The following KDM5A variants were observed in gnomAD, a reference collection of about 807,000 sequenced individuals.
The protein encoded by KDM5A is lysine demethylase 5A, also known as lysine-specific demethylase 5A.
KDM5A carries 42 observed loss-of-function variants against 193.5 expected under a neutral mutation model. The observed-to-expected ratio is 0.22, with a 90% CI of 0.17 to 0.28. The LOEUF is 0.28. KDM5A is among the 10% of genes least tolerant of loss of function. The probability of loss-of-function intolerance (pLI) is 1.00; values close to 1 mark genes in which losing one functional copy is unlikely to be tolerated. For synonymous variants in KDM5A, 796 were observed against 718.1 expected (o/e 1.11, Z -1.73); for missense variants, 1,692 against 2,055.1 (o/e 0.82, Z 3.42).
intron 3 of KDM5A, among the ~76,000 whole-genome samples, chr12:371,689 GT>G (rs1205882958): frequency 6.6e-6 from 1 of 152,182 alleles, no homozygotes; most frequent in East Asian, 1.9e-4. Context: ...CCATGCCTAT[GT>G]CCTGAATGGT....
chr12:360,093 TGA>T (rs1944276928), intron 5 of KDM5A, among the ~76,000 whole-genome samples: 1 of 151,830 alleles, frequency 6.6e-6, no homozygotes. Flanking sequence ...GCCAAAATGG[TGA>T]AACCCTGTCT....
At chr12:292,059 C>T (rs1943301721) in intron 27 of KDM5A, among the ~76,000 whole-genome samples, 1 of 152,090 alleles carries the variant, frequency 6.6e-6, no homozygotes, top group South Asian at 2.1e-4. Context: ...TCCGCCACCA[C>T]ACCCTGCTCA....
rs1943148389 is a variant in KDM5A, at chr12:280,889, T to C, written c.*4567A>G. On this transcript the variant is annotated 3_prime_UTR_variant, in exon 28 of 28. Transcript: ENST00000399788. ...AGGCTAATCACACCACTGATCAAAT[T>C]ATTTTGGCTCAGTTCTTTATTTTAT... The C allele has an allele frequency of 4.3e-6, 1 of 232,902 alleles. No individual in the cohort carries two copies. The highest frequency in any genetic ancestry group is 8.5e-6 in the Non-Finnish European group (1 of 117,920). The allele number at this position is 232,902 out of a possible 1,614,324, so 14.4% of individuals were successfully genotyped here. A position where few individuals can be genotyped will look rare whatever the true frequency, so the allele number is the denominator to read the frequency against.
At chr12:358,996 T>TAA (rs35658441) in intron 5 of KDM5A, among the ~76,000 whole-genome samples, 46 of 149,396 alleles carry the variant, frequency 3.1e-4, no homozygotes, top group South Asian at 6.3e-4. Flanking sequence ...TAATAAAAAA[T>TAA]AAAAAAAAAC....
chr12:385,185 A>T (rs1944624988), intron 2 of KDM5A, among the ~76,000 whole-genome samples: 2 of 151,430 alleles, frequency 1.3e-5, no homozygotes, highest in African/African-American at 4.8e-5. Flanking sequence ...TCTCTGGAAA[A>T]AAAAAAAAAA....
intron 19 of KDM5A, among the ~76,000 whole-genome samples, chr12:315,440 G>A (rs1943640637): frequency 6.6e-6 from 1 of 152,112 alleles, no homozygotes; most frequent in Non-Finnish European, 1.5e-5. Context: ...TGGGCATGGT[G>A]GCATGCACCT....
chr12:283,817 T>C lies in KDM5A; in HGVS notation c.*1639A>G. The C allele has an allele frequency of 8.6e-6, 2 of 233,212 alleles. No individual in the cohort carries two copies. Among genetic ancestry groups the C allele is most frequent in the Non-Finnish European group, 8.5e-6 (1 of 117,876 alleles). The allele number at this position is 233,212 out of a possible 1,614,324, so 14.4% of individuals were successfully genotyped here. A position where few individuals can be genotyped will look rare whatever the true frequency, so the allele number is the denominator to read the frequency against. On this transcript the variant is annotated 3_prime_UTR_variant, in exon 28 of 28. Coordinates refer to ENST00000399788, the MANE Select transcript of KDM5A (RefSeq NM_001042603.3). Reference sequence around the variant, plus strand: ...AAAACACTATTTTTAGTCATTTTTTTTTTTGTCCTTTAAAAAAAAATTAGT... The same window carrying C: ...AAAACACTATTTTTAGTCATTTTTTCTTTTGTCCTTTAAAAAAAAATTAGT...
intron 5 of KDM5A, among the ~76,000 whole-genome samples, chr12:361,651 C>A (rs1292108908): frequency 6.6e-6 from 1 of 152,166 alleles, no homozygotes; most frequent in South Asian, 2.1e-4. Context: ...ATCACCATGT[C>A]AAAGGGACTA....
At chr12:336,639 G>A (rs543814856) in intron 10 of KDM5A, among the ~76,000 whole-genome samples, 2 of 152,096 alleles carry the variant, frequency 1.3e-5, no homozygotes, top group African/African-American at 2.4e-5. Flanking sequence ...TCAGGAGTTC[G>A]AAACCAGACT....
intron 3 of KDM5A, among the ~76,000 whole-genome samples, chr12:381,319 A>G (rs999617072): frequency 7.3e-5 from 11 of 151,652 alleles, no homozygotes; most frequent in Non-Finnish European, 1.5e-4. Flanking sequence ...CATGTTGGCC[A>G]GGCTGGTCTC....
At chr12:383,077 T>C (rs558522787) in intron 3 of KDM5A, among the ~76,000 whole-genome samples, 212 of 152,256 alleles carry the variant, frequency 1.4e-3, no homozygotes, top group African/African-American at 4.9e-3. Context: ...CACCCTTAAG[T>C]TTCTGAGCTG....
chr12:344,095 TG>T (rs1358731862), intron 10 of KDM5A, among the ~76,000 whole-genome samples: 2 of 152,180 alleles, frequency 1.3e-5, no homozygotes, highest in African/African-American at 4.8e-5. Flanking sequence ...CTGAAAACCA[TG>T]GGACGAGAAC....
Position 307,927 on chromosome 12 carries a change from T to G in KDM5A, c.3457A>C (p.Thr1153Pro). Residue 1153 changes from threonine to proline, a missense_variant, in exon 23 of 28, where the codon ACA becomes CCA. Thr to Pro is a conservative substitution (Grantham distance 38). Coordinates refer to ENST00000399788, the MANE Select transcript of KDM5A (RefSeq NM_001042603.3). This position sits in a 1 kb window ranked among gnomAD's most constrained non-coding sequence, Gnocchi z 4.3. ...SLRAANLAKM[T>P]MVDRIEEVKF... The stretch of plus-strand genomic sequence containing the variant: ...ACTTCTTCTATGCGGTCCACCATTG[T>G]CATCTTGGCTAGGTTGGCTGCTCTG... 1 of 1,614,204 alleles carries G rather than the reference T, an allele frequency of 6.2e-7. No homozygotes were observed. Among genetic ancestry groups the G allele is most frequent in the Non-Finnish European group, 8.5e-7 (1 of 1,180,036 alleles).
intron 3 of KDM5A, among the ~76,000 whole-genome samples, chr12:378,400 G>A (rs1944534377): frequency 6.6e-6 from 1 of 152,070 alleles, no homozygotes; most frequent in Non-Finnish European, 1.5e-5. Context: ...TGTGACTACA[G>A]GCGCATGCCA....
chr12:326,937 C>T (rs1004312618), intron 14 of KDM5A, among the ~76,000 whole-genome samples: 4 of 145,528 alleles, frequency 2.7e-5, no homozygotes, highest in African/African-American at 1.0e-4. Context: ...CACTGGTGAA[C>T]TTTGAGACTT....
In KDM5A at chr12:343,026, G is replaced by T. The variant is rs189237794; in HGVS notation, c.1308+7595C>A. ...AGAGGATTTCCCTTTCCTAGCCAAG[G>T]GAAGCCATGACAGACTACCTGGAAA... On this transcript the variant is annotated intron_variant, in intron 10 of 27. Coordinates refer to ENST00000399788, the MANE Select transcript of KDM5A (RefSeq NM_001042603.3). Among the ~76,000 whole-genome samples, 32 of 152,234 alleles carry T rather than the reference G, an allele frequency of 2.1e-4. No homozygotes were observed. The East Asian group carries it at 3.3e-3, about 16-fold the overall frequency.
intron 3 of KDM5A, among the ~76,000 whole-genome samples, chr12:373,386 G>GT (rs200068155): frequency 0.018 from 2,664 of 152,194 alleles, 106 homozygotes; most frequent in South Asian, 0.16. Context: ...GCATAGAGGT[G>GT]TTTATTCTCT....
At chr12:344,049 A>G (rs1944039250) in intron 10 of KDM5A, among the ~76,000 whole-genome samples, 1 of 152,250 alleles carries the variant, frequency 6.6e-6, no homozygotes, top group South Asian at 2.1e-4. Context: ...AACTAGAATA[A>G]ACAGTGTAGA....
intron 24 of KDM5A, among the ~76,000 whole-genome samples, chr12:304,192 T>C (rs967065201): frequency 3.3e-5 from 5 of 152,218 alleles, no homozygotes; most frequent in African/African-American, 1.2e-4. Context: ...AATGATTTTC[T>C]GGATGGTAAC....
Sources: gnomAD v4.1 joint callset for allele counts (sites outside exome capture counted in the v4.1 genomes callset) on GRCh38, gnomAD v4.1.1 for gene constraint, Gnocchi (gnomAD v3.1) non-coding constraint, MANE v1.5 for transcripts, NCBI Gene and HGNC (gene_info 2026-07-23, HGNC 2026-07-21) for gene names.